Variants in ST7 observed in about 807,000 individuals in gnomAD.
ST7 encodes suppressor of tumorigenicity 7 protein.
In ST7, 28 loss-of-function variants were observed where a neutral mutation model predicts 78.7. That is an observed-to-expected ratio of 0.36 (90% CI 0.26 to 0.49). The LOEUF (loss-of-function observed/expected upper bound fraction) is 0.49. Ranked by LOEUF, ST7 falls within the 20% of genes least tolerant of loss-of-function variation. The pLI is 0.99. For synonymous variants in ST7, 247 were observed against 249.6 expected, an observed-to-expected ratio of 0.99 and a Z score of 0.10; for missense variants, 418 against 696.0, an observed-to-expected ratio of 0.60 and a Z score of 4.49.
Position 117,134,191 on chromosome 7 carries a change from A to G in ST7, c.709A>G (p.Lys237Glu), listed in dbSNP as rs1804597601. The change falls in exon 7 of 16, where the codon AAG becomes GAG. Residue 237 changes from lysine to glutamate, a missense_variant and splice_region_variant. Around this residue, in one of 4 missense-constraint regions of ST7, gnomAD observed 288 missense variants for 537.1 expected, o/e 0.54. Transcript: ENST00000323984. ...STIWEIKLLP[K>E]CATAYILLAE... ...CATCTGGGAGATAAAATTGTTACCA[A>G]AGTAAGTCAAGAACCTGTTGGGTGC... The G allele has an allele frequency of 6.2e-7, 1 of 1,611,788 alleles. No individual in the cohort carries two copies. Among genetic ancestry groups the G allele is most frequent in the Non-Finnish European group, 8.5e-7 (1 of 1,178,636 alleles).
chr7:117,168,795 A>G (rs1807760484), intron 9 of ST7, among the ~76,000 whole-genome samples: 1 of 152,198 alleles, frequency 6.6e-6, no homozygotes. Flanking sequence ...AAACAAAACA[A>G]TATGGTAAAT....
At chr7:117,147,369 C>G (rs1232721647) in intron 9 of ST7, among the ~76,000 whole-genome samples, 1 of 152,158 alleles carries the variant, frequency 6.6e-6, no homozygotes, top group Non-Finnish European at 1.5e-5. Flanking sequence ...TGCAATTTCA[C>G]TCTTCAGAAT....
At chr7:116,990,232 G>A (rs1020935461) in intron 1 of ST7, among the ~76,000 whole-genome samples, 3 of 152,146 alleles carry the variant, frequency 2.0e-5, no homozygotes, top group Non-Finnish European at 2.9e-5. Context: ...CACCACGCCC[G>A]GCCGGTGATT....
chr7:116,969,359 T>G (rs1793300932), intron 1 of ST7, among the ~76,000 whole-genome samples: 1 of 152,260 alleles, frequency 6.6e-6, no homozygotes, highest in South Asian at 2.1e-4. Context: ...GTCAAGAATT[T>G]TTTAGACTAT....
chr7:117,222,791 A>G (rs1793184506), intron 15 of ST7: 1 of 1,174,200 alleles, frequency 8.5e-7, no homozygotes, highest in Non-Finnish European at 1.3e-6. Flanking sequence ...AACTCCATTC[A>G]GATTTCAAGG....
chr7:117,201,097 T>G (rs1017532904), intron 12 of ST7, among the ~76,000 whole-genome samples: 1 of 152,216 alleles, frequency 6.6e-6, no homozygotes, highest in Non-Finnish European at 1.5e-5. Context: ...TTTAGCATTT[T>G]AAAATGCTTG....
intron 1 of ST7, among the ~76,000 whole-genome samples, chr7:116,998,174 G>A (rs556502537): frequency 6.6e-6 from 1 of 152,348 alleles, no homozygotes; most frequent in African/African-American, 2.4e-5. Context: ...GCGAGAATTC[G>A]AGCGTAGCGC....
At chr7:116,961,159 A>G (rs1562978336) in intron 1 of ST7, among the ~76,000 whole-genome samples, 1 of 152,098 alleles carries the variant, frequency 6.6e-6, no homozygotes, top group African/African-American at 2.4e-5. Flanking sequence ...GTTCTGTTCC[A>G]TTGGTCTATG....
chr7:117,012,568 T>G (rs1795432424), intron 1 of ST7, among the ~76,000 whole-genome samples: 1 of 152,188 alleles, frequency 6.6e-6, no homozygotes, highest in South Asian at 2.1e-4. Flanking sequence ...TTCCAAGCAT[T>G]GATCTAGGCC....
At chr7:117,109,587 T>C (rs1212287967) in intron 2 of ST7, among the ~76,000 whole-genome samples, 1 of 152,108 alleles carries the variant, frequency 6.6e-6, no homozygotes, top group Non-Finnish European at 1.5e-5. Context: ...CAGGACCAGA[T>C]AGACTCACAG....
chr7:117,188,103 A>G (rs38883), intron 10 of ST7, among the ~76,000 whole-genome samples: 13,105 of 152,194 alleles, frequency 0.086, 873 homozygotes, highest in East Asian at 0.2. Flanking sequence ...TGTTTTATCA[A>G]TGTCATTGAA....
chr7:116,981,361 C>T (rs996187376), intron 1 of ST7, among the ~76,000 whole-genome samples: 38 of 152,164 alleles, frequency 2.5e-4, no homozygotes, highest in African/African-American at 7.2e-4. Context: ...GCTCCCACCT[C>T]GGCCTCCCAA....
intron 1 of ST7, among the ~76,000 whole-genome samples, chr7:117,064,853 A>T (rs1798547994): frequency 6.6e-6 from 1 of 152,274 alleles, no homozygotes; most frequent in East Asian, 1.9e-4. Flanking sequence ...GAGTTGATGG[A>T]TCCCCACTGT....
intron 1 of ST7, chr7:117,072,165 G>C (rs1458578270): frequency 1.3e-5 from 2 of 152,174 alleles, no homozygotes; most frequent in Non-Finnish European, 2.9e-5. Context: ...ATAGGGATTG[G>C]ATGTGGGAAG....
At chr7:117,122,396 G>C (rs964290484) in intron 3 of ST7, among the ~76,000 whole-genome samples, 1 of 151,908 alleles carries the variant, frequency 6.6e-6, no homozygotes, top group African/African-American at 2.4e-5. Context: ...CAATTATCAT[G>C]GAAGAAATGA....
At chr7:116,960,987 A>G (rs1007145598) in intron 1 of ST7, among the ~76,000 whole-genome samples, 7 of 152,272 alleles carry the variant, frequency 4.6e-5, no homozygotes, top group African/African-American at 1.7e-4. Flanking sequence ...CTTCAGTTGT[A>G]TATGGTGTAA....
intron 9 of ST7, among the ~76,000 whole-genome samples, chr7:117,155,458 A>G (rs1013756015): frequency 3.9e-5 from 6 of 152,200 alleles, no homozygotes; most frequent in South Asian, 2.1e-4. Flanking sequence ...GAGAGCAGGA[A>G]TGGAGGCAGG....
At chr7:116,974,389 G>A (rs994497132) in intron 1 of ST7, among the ~76,000 whole-genome samples, 2 of 151,486 alleles carry the variant, frequency 1.3e-5, no homozygotes, top group East Asian at 1.9e-4. Context: ...CTGGGTTCAC[G>A]ACATTCTCCT....
chr7:116,998,291 G>T (rs1372235245), intron 1 of ST7, among the ~76,000 whole-genome samples: 1 of 152,166 alleles, frequency 6.6e-6, no homozygotes, highest in Non-Finnish European at 1.5e-5. Context: ...GCCACTCTGA[G>T]TGTGGGGCCC....
Sources: gnomAD v4.1 joint callset for allele counts (sites outside exome capture counted in the v4.1 genomes callset) on GRCh38, gnomAD v4.1.1 for gene constraint, gnomAD v4.1.1 regional missense constraint, MANE v1.5 for transcripts, NCBI Gene and HGNC (gene_info 2026-07-23, HGNC 2026-07-21) for gene names.